The following TMPRSS9 variants were observed in gnomAD, a reference collection of about 807,000 sequenced individuals.
TMPRSS9 encodes the protein transmembrane protease serine 9.
In TMPRSS9, 113 loss-of-function variants were observed where a neutral mutation model predicts 111.4. That is an observed-to-expected ratio of 1.01 (90% CI 0.87 to 1.19). The LOEUF (loss-of-function observed/expected upper bound fraction) is 1.19, where lower values mean the gene tolerates loss of function less well. TMPRSS9 is among the 50% of genes most tolerant of loss of function. The pLI is 0.00. For synonymous variants in TMPRSS9, 805 were observed against 659.1 expected, an observed-to-expected ratio of 1.22 and a Z score of -3.39; for missense variants, 1,803 against 1,513.1, an observed-to-expected ratio of 1.19 and a Z score of -3.18.
chr19:2,417,968 G>A (rs376001337), intron 12 of TMPRSS9, 34 bp from the exon 14 acceptor site: 19 of 1,610,606 alleles, frequency 1.2e-5, no homozygotes, highest in South Asian at 2.2e-5. Flanking sequence ...GATGATCACT[G>A]TGCACGTGGC....
intron 8 of TMPRSS9, 80 bp from the exon 10 acceptor site, chr19:2,410,178 C>T: frequency 3.2e-6 from 5 of 1,574,690 alleles, no homozygotes; most frequent in Non-Finnish European, 4.3e-6. Flanking sequence ...TGGAGAGGAG[C>T]TGTCCTTCAG....
intron 1 of TMPRSS9, among the ~76,000 whole-genome samples, chr19:2,367,317 C>T (rs1407541007): frequency 6.6e-6 from 1 of 152,174 alleles, no homozygotes; most frequent in Admixed American, 6.5e-5. Context: ...GAACCAGTCT[C>T]ATAGGAGAAA....
chr19:2,401,049 C>T (rs930699975), intron 4 of TMPRSS9, among the ~76,000 whole-genome samples: 34 of 148,712 alleles, frequency 2.3e-4, no homozygotes, highest in African/African-American at 6.9e-4. Flanking sequence ...CCGAGGTGGG[C>T]AGATCACAAG....
chr19:2,399,349 C>T (rs1970780828), intron 4 of TMPRSS9, among the ~76,000 whole-genome samples, 156 bp downstream of exon 5: 2 of 152,106 alleles, frequency 1.3e-5, no homozygotes, highest in South Asian at 2.1e-4. Flanking sequence ...TTTGGGAGGC[C>T]GAGGCGGGTG....
chr19:2,415,279 T>G (rs1971201133), intron 10 of TMPRSS9, among the ~76,000 whole-genome samples: 1 of 152,026 alleles, frequency 6.6e-6, no homozygotes, highest in Non-Finnish European at 1.5e-5. Context: ...CCCCACACTC[T>G]GTTCCGAAAC....
chr19:2,380,140 T>C (rs1970375196), intron 1 of TMPRSS9, among the ~76,000 whole-genome samples: 1 of 152,008 alleles, frequency 6.6e-6, no homozygotes, highest in Non-Finnish European at 1.5e-5. Flanking sequence ...GTTTATGCTC[T>C]CAGCTCCCAC....
chr19:2,415,540 T>C (rs1971210315), intron 10 of TMPRSS9, 130 bp from the exon 12 acceptor site: 1 of 879,638 alleles, frequency 1.1e-6, no homozygotes, highest in Non-Finnish European at 1.6e-6. Context: ...CCACGGCTTC[T>C]TGTGTGGAAC....
At chr19:2,417,458 TC>T (rs1971271415) in intron 12 of TMPRSS9, among the ~76,000 whole-genome samples, 1 of 121,720 alleles carries the variant, frequency 8.2e-6, no homozygotes, top group Admixed American at 8.7e-5. Context: ...AGAGCGAGAC[TC>T]CCATCTCAAA....
chr19:2,369,746 C>T (rs754602962), intron 1 of TMPRSS9, among the ~76,000 whole-genome samples: 57 of 151,390 alleles, frequency 3.8e-4, no homozygotes, highest in Non-Finnish European at 6.3e-4. Context: ...GCCTAGTTTT[C>T]TGCAAATTAC....
rs542494630 is a variant in TMPRSS9, at chr19:2,372,742, A to AT, written c.-26+12391dup. Reference sequence around the variant, plus strand: ...TAAATGATTTTCTTTTGGCTGACTTATTTTTTTTTAACTCTAAACAGACTT... The same window carrying AT: ...TAAATGATTTTCTTTTGGCTGACTTATTTTTTTTTTAACTCTAAACAGACTT... On this transcript the variant is annotated intron_variant, in intron 1 of 17. Coordinates refer to the TMPRSS9 transcript ENST00000649857. Among the ~76,000 whole-genome samples the AT allele has an allele frequency of 6.5e-3, 988 of 151,290 alleles. 18 individuals carry two copies. The highest frequency in any genetic ancestry group is 0.021 in the African/African-American group (884 of 41,286).
intron 13 of TMPRSS9, 109 bp downstream of exon 14, chr19:2,418,247 C>A: frequency 1.6e-6 from 2 of 1,258,358 alleles, no homozygotes; most frequent in Non-Finnish European, 2.2e-6. Flanking sequence ...TCTTTCCTTC[C>A]CCCCCTCCTT....
At chr19:2,423,599 G>A (rs1329250699) in intron 14 of TMPRSS9, among the ~76,000 whole-genome samples, 1 of 152,148 alleles carries the variant, frequency 6.6e-6, no homozygotes, top group Non-Finnish European at 1.5e-5. Flanking sequence ...GGTGGTAACA[G>A]GGTCCCTGAA....
chr19:2,382,597 C>A (rs887035875), intron 1 of TMPRSS9, among the ~76,000 whole-genome samples: 3 of 108,980 alleles, frequency 2.8e-5, no homozygotes, highest in Admixed American at 9.9e-5. Flanking sequence ...CACATGCACA[C>A]ACACACAGAC....
chr19:2,420,975 C>T (rs902993296), intron 13 of TMPRSS9, among the ~76,000 whole-genome samples: 3 of 152,034 alleles, frequency 2.0e-5, no homozygotes, highest in Non-Finnish European at 4.4e-5. Flanking sequence ...GAGGCCAAGG[C>T]GGGTGGATCA....
Position 2,401,140 on chromosome 19 carries a change from G to A in TMPRSS9, c.515-835G>A, listed in dbSNP as rs1485135032. Among the ~76,000 whole-genome samples the A allele has an allele frequency of 3.3e-5, 5 of 152,094 alleles. No individual in the cohort carries two copies. The South Asian group carries it at 6.2e-4, about 19-fold the overall frequency. ...ATACAAAAAATCAGCCGGGCGTGGT[G>A]GCGGGCGCCTGTAGTCCCAGCTGCT... On this transcript the variant is annotated intron_variant, in intron 4 of 17. Transcript: ENST00000648592.
chr19:2,386,520 A>C (rs1055503360), upstream of TMPRSS9, among the ~76,000 whole-genome samples: 1 of 149,596 alleles, frequency 6.7e-6, no homozygotes, highest in Non-Finnish European at 1.5e-5. Flanking sequence ...AAAAAAAACC[A>C]AAAAAACAAA....
chr19:2,425,072 G>C (rs770603981), exon 16 of TMPRSS9: 3 of 1,573,002 alleles, frequency 1.9e-6, no homozygotes, highest in Non-Finnish European at 2.6e-6. Flanking sequence ...GGGGCAGCTG[G>C]AGCGCGTGGC....
intron 17 of TMPRSS9, 125 bp downstream of exon 18, chr19:2,425,618 C>G: frequency 7.3e-7 from 1 of 1,374,170 alleles, no homozygotes; most frequent in Non-Finnish European, 9.4e-7. Flanking sequence ...GCGGATCAAG[C>G]AGGGAGCCTT....
At position 2,425,280 on chromosome 19, in the gene TMPRSS9, G is replaced by A; in HGVS notation, c.2983+13G>A. The A allele has an allele frequency of 2.4e-6, 3 of 1,236,340 alleles. No individual in the cohort carries two copies. The highest frequency in any genetic ancestry group is 3.0e-6 in the Non-Finnish European group (3 of 987,358). The allele number at this position is 1,236,340 out of a possible 1,614,324, so 76.6% of individuals were successfully genotyped here. On this transcript the variant is annotated intron_variant, in intron 16 of 17. Transcript: ENST00000648592. ...GTGCGCGAAGGAGGTAGGCGCGCCCGGGGCCGCGGTGGTGCGGGGCTCGGG... is the reference window on the plus strand; with the variant it reads ...GTGCGCGAAGGAGGTAGGCGCGCCCAGGGCCGCGGTGGTGCGGGGCTCGGG...
Sources: allele counts gnomAD v4.1 joint callset (sites outside exome capture counted in the v4.1 genomes callset), GRCh38; gene constraint gnomAD v4.1.1; transcripts MANE v1.5; gene names NCBI Gene and HGNC (gene_info 2026-07-23, HGNC 2026-07-21).